The following TRPM1 variants were observed in gnomAD, a reference collection of about 807,000 sequenced individuals.
The protein encoded by TRPM1 is transient receptor potential cation channel subfamily M member 1.
Under a neutral mutation model 149.4 loss-of-function variants are expected in TRPM1, and 113 were observed. That is an observed-to-expected ratio of 0.76 (90% confidence interval 0.65 to 0.88). The LOEUF is 0.88. Among genes scored for constraint, TRPM1 ranks in the 40% least tolerant of loss-of-function variants. TRPM1 has a pLI of 0.00. For missense variants in TRPM1, 1,976 were observed against 2,038.7 expected, an observed-to-expected ratio of 0.97 and a Z score of 0.59; for synonymous variants, 741 against 759.5, an observed-to-expected ratio of 0.98 and a Z score of 0.40.
chr15:31,116,809 C>T (rs2141030013), intron 1 of TRPM1, among the ~76,000 whole-genome samples: 2 of 152,186 alleles, frequency 1.3e-5, no homozygotes, highest in Middle Eastern at 3.4e-3. Context: ...GCCAGAAACA[C>T]CCACACCTAC....
At chr15:31,043,154 A>G (rs954050077) in intron 16 of TRPM1, among the ~76,000 whole-genome samples, 2 of 152,170 alleles carry the variant, frequency 1.3e-5, no homozygotes, top group African/African-American at 2.4e-5. Context: ...CTGGCTCTCC[A>G]ATTCCTATCT....
At chr15:31,050,341 A>T in intron 12 of TRPM1, 68 bp downstream of exon 12, 1 of 1,612,728 alleles carries the variant, frequency 6.2e-7, no homozygotes, top group East Asian at 2.2e-5. Flanking sequence ...TGAAGCAAGG[A>T]CAAGAACCAT....
At chr15:31,107,431 C>A (rs2035624374) in intron 1 of TRPM1, among the ~76,000 whole-genome samples, 1 of 152,058 alleles carries the variant, frequency 6.6e-6, no homozygotes, top group South Asian at 2.1e-4. Flanking sequence ...CTGATTTTAG[C>A]AATTTGAGTC....
intron 1 of TRPM1, among the ~76,000 whole-genome samples, chr15:31,114,530 C>A (rs900530006): frequency 2.0e-5 from 3 of 152,070 alleles, no homozygotes; most frequent in Non-Finnish European, 2.9e-5. Flanking sequence ...TCTAGTCAAA[C>A]GATAGTGAAA....
intron 1 of TRPM1, among the ~76,000 whole-genome samples, chr15:31,140,173 C>A (rs2036140912): frequency 6.7e-6 from 1 of 149,888 alleles, no homozygotes; most frequent in African/African-American, 2.5e-5. Flanking sequence ...TTGAGACCAG[C>A]CTGACCAATA....
At chr15:31,017,086 C>T (rs567875499) in intron 27 of TRPM1, among the ~76,000 whole-genome samples, 2 of 152,112 alleles carry the variant, frequency 1.3e-5, no homozygotes, top group Non-Finnish European at 2.9e-5. Context: ...GGGCAGATCA[C>T]CTGAGGTCAG....
chr15:31,090,146 T>G (rs899884850), intron 1 of TRPM1, among the ~76,000 whole-genome samples: 9 of 152,168 alleles, frequency 5.9e-5, no homozygotes, highest in Non-Finnish European at 1.0e-4. Context: ...CTTCAGCTAT[T>G]TCTTCCTGGT....
chr15:31,055,720 C>G (rs1386639319), intron 11 of TRPM1, among the ~76,000 whole-genome samples: 2 of 152,210 alleles, frequency 1.3e-5, no homozygotes, highest in Admixed American at 1.3e-4. Flanking sequence ...GCGATACTCT[C>G]CTTCCTAAGC....
intron 1 of TRPM1, among the ~76,000 whole-genome samples, chr15:31,158,626 C>CAAA (rs749062439): frequency 1.7e-4 from 10 of 59,714 alleles, no homozygotes; most frequent in East Asian, 5.3e-4. Flanking sequence ...GACTCCATCT[C>CAAA]AAAAAAAAAA....
In TRPM1 at chr15:31,049,398, T is replaced by C. The variant is rs1244324231; in HGVS notation, c.1549A>G (p.Arg517Gly). ...VNMQHFLTIP[R>G]LEELYNTRLG... ...ACTGTGTTATAAAGCTCCTCCAGCC[T>C]CGGAATGGTCAGAAAGTGTTGCATG... Residue 517 changes from arginine (R) to glycine (G), a missense_variant, in exon 13 of 28, where the codon AGG (arginine) becomes GGG (glycine). Physicochemically the swap from Arg to Gly is moderately radical, Grantham distance 125 (BLOSUM62 -2). Transcript: ENST00000256552. 6.2e-7 allele frequency: 1 copy of C among 1,614,180 alleles called. No individual in the cohort carries two copies. The highest frequency in any genetic ancestry group is 1.1e-5 in the South Asian group (1 of 91,082).
At chr15:31,022,115 A>C (rs897431064) in intron 27 of TRPM1, among the ~76,000 whole-genome samples, 2 of 152,250 alleles carry the variant, frequency 1.3e-5, no homozygotes, top group Admixed American at 1.3e-4. Context: ...GGTCTCTGAC[A>C]AAATTTTGTC....
intron 18 of TRPM1, among the ~76,000 whole-genome samples, chr15:31,038,991 C>CTTTTT (rs1175210129): frequency 3.0e-5 from 4 of 131,460 alleles, no homozygotes; most frequent in East Asian, 2.2e-4. Context: ...CATGCTTCCC[C>CTTTTT]TTTTTTTTTT....
rs755565750 is a variant in TRPM1 at position 31,081,434 on chromosome 15, A to G, written c.-79T>C. The G allele has an allele frequency of 5.2e-5, 79 of 1,531,910 alleles. No homozygotes were observed. The highest frequency in any genetic ancestry group is 6.6e-5 in the Non-Finnish European group (75 of 1,144,324). The allele number at this position is 1,531,910 out of a possible 1,614,324, so 94.9% of individuals were successfully genotyped here. ...ACTGCTGAGTCCTCAGAAATCTTCT[A>G]GAACCTACGAGGATAAACAAGAGGA... On this transcript the variant is annotated 5_prime_UTR_variant, in exon 2 of 28. Coordinates refer to ENST00000256552, the MANE Select transcript of TRPM1 (RefSeq NM_001252024.2).
intron 1 of TRPM1, among the ~76,000 whole-genome samples, chr15:31,112,388 G>C (rs1412268595): frequency 6.6e-6 from 1 of 152,214 alleles, no homozygotes; most frequent in Admixed American, 6.5e-5. Context: ...TGAAGCAGGA[G>C]ACTTGCTTGA....
At position 31,160,295 on chromosome 15, in the gene TRPM1, G is replaced by A. The variant is rs973476585; in HGVS notation, c.54+611C>T. 5.9e-5 allele frequency among the ~76,000 whole-genome samples: 9 copies of A among 152,322 alleles called. No individual in the cohort carries two copies. In the South Asian group the frequency reaches 1.2e-3, roughly 21 times the overall value. ...CCTAAGATTCAAATCAGCATGTGCT[G>A]TGGGAGGTCCTGTCTGGGGTTCCTG... On this transcript the variant is annotated intron_variant, in intron 1 of 26. Coordinates refer to the TRPM1 transcript ENST00000542188.
chr15:31,090,268 C>T (rs1276203152), intron 1 of TRPM1, among the ~76,000 whole-genome samples: 2 of 152,138 alleles, frequency 1.3e-5, no homozygotes, highest in African/African-American at 4.8e-5. Context: ...CAACCAGCTG[C>T]ATGGTGTTCT....
At chr15:31,116,049 T>C (rs1432615684) in intron 1 of TRPM1, among the ~76,000 whole-genome samples, 1 of 152,068 alleles carries the variant, frequency 6.6e-6, no homozygotes, top group African/African-American at 2.4e-5. Context: ...ATCTCCCTAA[T>C]GCCCCAGTTC....
intron 11 of TRPM1, among the ~76,000 whole-genome samples, chr15:31,059,365 G>T (rs1259814621): frequency 6.6e-6 from 1 of 152,166 alleles, no homozygotes; most frequent in Admixed American, 6.5e-5. Context: ...CATTTGTGCA[G>T]CAATATGCCA....
chr15:31,135,879 T>A (rs1166320548), intron 1 of TRPM1, among the ~76,000 whole-genome samples: 2 of 152,200 alleles, frequency 1.3e-5, no homozygotes, highest in Non-Finnish European at 2.9e-5. Flanking sequence ...ATGCTTCCTA[T>A]ACAGCCTGCA....
Sources: allele counts gnomAD v4.1 joint callset (sites outside exome capture counted in the v4.1 genomes callset), GRCh38; gene constraint gnomAD v4.1.1; transcripts MANE v1.5; gene names NCBI Gene and HGNC (gene_info 2026-07-23, HGNC 2026-07-21).